The following CASP6 variants were observed in gnomAD, a reference collection of about 807,000 sequenced individuals.
CASP6 encodes the protein caspase-6.
A neutral mutation model predicts 31.8 loss-of-function variants in CASP6; 20 were observed. The observed-to-expected ratio is 0.63, with a 90% CI of 0.44 to 0.91. CASP6 has a LOEUF of 0.91. Among genes scored for constraint, CASP6 ranks in the 40% least tolerant of loss-of-function variants. The probability of loss-of-function intolerance (pLI) is 0.00; values close to 1 mark genes in which losing one functional copy is unlikely to be tolerated. For synonymous variants in CASP6, 130 were observed against 127.8 expected (o/e 1.02, Z -0.12); for missense variants, 328 against 361.1 (o/e 0.91, Z 0.74).
the CASP6 span, among the ~76,000 whole-genome samples, chr4:109,679,184 A>G: frequency 0.65 from 96,990 of 149,430 alleles, 32,736 homozygotes; most frequent in African/African-American, 0.87. Context: ...GGGCAGAGGC[A>G]CTCCTCACAT....
chr4:109,667,838 G>A, the CASP6 span, among the ~76,000 whole-genome samples: 2 of 150,682 alleles, frequency 1.3e-5, no homozygotes, highest in African/African-American at 4.9e-5. Flanking sequence ...CATAAATTTT[G>A]ATAAGTTGTA....
At chr4:109,694,851 G>A (rs901466857) in intron 4 of CASP6, 151 bp from the exon 5 acceptor site, 2 of 762,930 alleles carry the variant, frequency 2.6e-6, no homozygotes, top group Non-Finnish European at 3.8e-6. Context: ...GTTTTTTTGA[G>A]ACAGAGTTTC....
rs548899796 is a variant in CASP6 at position 109,700,770 on chromosome 4, G to T, written c.41-2428C>A. ...TCCAGTGGCCACTCTAGCAAACACTGAATCAGAACAAAAAGCTATGGAGAC... is the reference window on the plus strand; with the variant it reads ...TCCAGTGGCCACTCTAGCAAACACTTAATCAGAACAAAAAGCTATGGAGAC... On this transcript the variant is annotated intron_variant, in intron 1 of 6. Transcript: ENST00000265164. 8.5e-5 allele frequency among the ~76,000 whole-genome samples: 13 copies of T among 152,224 alleles called. No individual in the cohort carries two copies. The East Asian group carries it at 2.5e-3, about 29-fold the overall frequency.
chr4:109,701,032 C>T (rs1344425240), intron 1 of CASP6, among the ~76,000 whole-genome samples: 1 of 152,150 alleles, frequency 6.6e-6, no homozygotes, highest in Non-Finnish European at 1.5e-5. Flanking sequence ...GGTCTCGGCT[C>T]ACCACAACCT....
chr4:109,684,589 C>G, downstream of CASP6: 1 of 1,600,702 alleles, frequency 6.2e-7, no homozygotes, highest in Non-Finnish European at 8.6e-7. Flanking sequence ...CAGTTACATA[C>G]TTCATCACAT....
the CASP6 span, among the ~76,000 whole-genome samples, chr4:109,681,641 G>C: frequency 6.6e-6 from 1 of 152,212 alleles, no homozygotes; most frequent in Non-Finnish European, 1.5e-5. Flanking sequence ...CTAGTGTTCA[G>C]CTCAATTAGG....
At chr4:109,666,265 T>A in the CASP6 span, among the ~76,000 whole-genome samples, 7 of 152,338 alleles carry the variant, frequency 4.6e-5, no homozygotes, top group African/African-American at 1.4e-4. Flanking sequence ...TAAATACACA[T>A]GCGCAGGCTT....
chr4:109,700,074 C>T (rs1730370775), intron 1 of CASP6, among the ~76,000 whole-genome samples: 1 of 152,150 alleles, frequency 6.6e-6, no homozygotes, highest in Non-Finnish European at 1.5e-5. Context: ...ACTGCTGAGC[C>T]GAAGGCGGCT....
At chr4:109,678,519 G>A in the CASP6 span, among the ~76,000 whole-genome samples, 1 of 146,510 alleles carries the variant, frequency 6.8e-6, no homozygotes, top group East Asian at 2.1e-4. Context: ...ATGGGGCGGT[G>A]GCCGGGCAGA....
chr4:109,705,363 A>C (rs79747265), upstream of CASP6, among the ~76,000 whole-genome samples: 408 of 152,322 alleles, frequency 2.7e-3, 1 homozygote, highest in Non-Finnish European at 4.2e-3. Flanking sequence ...TTGACAATAC[A>C]CCTGGTCATC....
chr4:109,676,168 C>T, the CASP6 span, among the ~76,000 whole-genome samples: 6 of 151,946 alleles, frequency 3.9e-5, no homozygotes, highest in East Asian at 3.9e-4. Flanking sequence ...GGTCAGGGCT[C>T]GGAAGAGAAT....
chr4:109,689,663 T>A, intron 6 of CASP6, 95 bp from the exon 7 acceptor site: 1 of 1,155,220 alleles, frequency 8.7e-7, no homozygotes, highest in South Asian at 1.5e-5. Flanking sequence ...TTCTTAAAAA[T>A]CCTTAGAAGA....
chr4:109,703,214 A>C, intron 1 of CASP6, 142 bp downstream of exon 1: 2 of 941,792 alleles, frequency 2.1e-6, no homozygotes, highest in Non-Finnish European at 1.6e-6. Context: ...CCAAGAGTGC[A>C]ACTTCTCCAG....
At chr4:109,670,256 G>A in the CASP6 span, among the ~76,000 whole-genome samples, 4 of 151,920 alleles carry the variant, frequency 2.6e-5, no homozygotes, top group African/African-American at 9.7e-5. Flanking sequence ...AACTTCACAA[G>A]TGCTTCTCAG....
intron 1 of CASP6, among the ~76,000 whole-genome samples, chr4:109,703,069 G>A (rs1242705592): frequency 6.6e-6 from 1 of 152,126 alleles, no homozygotes; most frequent in East Asian, 1.9e-4. Context: ...TCATCGCCCC[G>A]GAGGACAAAG....
At chr4:109,673,943 T>C in the CASP6 span, 2 of 794,890 alleles carry the variant, frequency 2.5e-6, no homozygotes, top group Non-Finnish European at 4.6e-6. Context: ...CCCATTGGAA[T>C]AGCAGGTTTT....
At chr4:109,679,738 T>G in the CASP6 span, among the ~76,000 whole-genome samples, 4 of 152,218 alleles carry the variant, frequency 2.6e-5, no homozygotes, top group African/African-American at 9.6e-5. Context: ...AAGCAGTTAC[T>G]TTAGAAAGCT....
intron 2 of CASP6, 94 bp downstream of exon 2, chr4:109,698,205 TC>T (rs1730310842): frequency 7.4e-7 from 1 of 1,357,366 alleles, no homozygotes; most frequent in Non-Finnish European, 1.0e-6. Flanking sequence ...CAGTTTTACT[TC>T]CTAGCTCCCA....
chr4:109,677,397 G>A, the CASP6 span, among the ~76,000 whole-genome samples: 2 of 152,194 alleles, frequency 1.3e-5, no homozygotes, highest in Non-Finnish European at 2.9e-5. Context: ...GGACTTTTGA[G>A]TAGATGCTTG....
Sources: gnomAD v4.1 joint callset for allele counts (sites outside exome capture counted in the v4.1 genomes callset) on GRCh38, gnomAD v4.1.1 for gene constraint, MANE v1.5 for transcripts, NCBI Gene and HGNC (gene_info 2026-07-23, HGNC 2026-07-21) for gene names.